Variants in TDRD3 observed in about 807,000 individuals in gnomAD.
TDRD3 encodes tudor domain-containing protein 3.
A neutral mutation model predicts 86.7 loss-of-function variants in TDRD3; 45 were observed. That is an observed-to-expected ratio of 0.52 (90% CI 0.41 to 0.67). TDRD3 has a LOEUF of 0.67. Ranked by LOEUF, TDRD3 falls within the 30% of genes least tolerant of loss-of-function variation. The pLI is 0.00. For missense variants in TDRD3, 814 were observed against 889.0 expected, an observed-to-expected ratio of 0.92 and a Z score of 1.07; for synonymous variants, 298 against 301.7, an observed-to-expected ratio of 0.99 and a Z score of 0.13.
chr13:60,456,944 C>T (rs1377089941), intron 3 of TDRD3, among the ~76,000 whole-genome samples: 1 of 152,128 alleles, frequency 6.6e-6, no homozygotes, highest in Non-Finnish European at 1.5e-5. Flanking sequence ...GAGCCACCCA[C>T]CTCCATCCTC....
chr13:60,535,331 C>T (rs534603845), intron 12 of TDRD3, 98 bp downstream of exon 12: 1 of 1,357,352 alleles, frequency 7.4e-7, no homozygotes, highest in South Asian at 1.8e-5. Flanking sequence ...CAAGTGGAAT[C>T]ATATTTTGAA....
chr13:60,496,330 T>G (rs1595022134), intron 8 of TDRD3, among the ~76,000 whole-genome samples: 1 of 100,086 alleles, frequency 1.0e-5, no homozygotes, highest in East Asian at 3.0e-4. Context: ...TATATATATA[T>G]ATATATATAT....
intron 3 of TDRD3, among the ~76,000 whole-genome samples, chr13:60,448,114 TTA>T (rs1955450199): frequency 6.6e-6 from 1 of 152,142 alleles, no homozygotes; most frequent in Non-Finnish European, 1.5e-5. Flanking sequence ...ATTATTATTT[TTA>T]TAGTTAATAA....
intron 12 of TDRD3, among the ~76,000 whole-genome samples, chr13:60,541,559 G>A (rs1233422205): frequency 6.6e-6 from 1 of 151,478 alleles, no homozygotes; most frequent in African/African-American, 2.4e-5. Context: ...TTTATTAATG[G>A]TAACCTAAAG....
chr13:60,456,934 G>A (rs981981673), intron 3 of TDRD3, among the ~76,000 whole-genome samples: 1 of 151,996 alleles, frequency 6.6e-6, no homozygotes, highest in Non-Finnish European at 1.5e-5. Context: ...GGGTTCAAGC[G>A]AGCCACCCAC....
At chr13:60,544,076 C>T (rs1250888798) in intron 12 of TDRD3, among the ~76,000 whole-genome samples, 1 of 150,456 alleles carries the variant, frequency 6.6e-6, no homozygotes, top group Non-Finnish European at 1.5e-5. Flanking sequence ...TCCACAATAA[C>T]CTAGTCTAAG....
intron 1 of TDRD3, among the ~76,000 whole-genome samples, chr13:60,420,543 A>C (rs2137867596): frequency 6.6e-6 from 1 of 152,292 alleles, no homozygotes; most frequent in East Asian, 1.9e-4. Flanking sequence ...TGGAGTGGGA[A>C]AGAAGCATGG....
chr13:60,556,695 A>G (rs1045517211), intron 12 of TDRD3, among the ~76,000 whole-genome samples: 1 of 152,180 alleles, frequency 6.6e-6, no homozygotes, highest in African/African-American at 2.4e-5. Flanking sequence ...TTGTATTCCA[A>G]GTAAGCCATA....
chr13:60,423,544 G>A (rs1954717261), intron 1 of TDRD3, among the ~76,000 whole-genome samples: 1 of 152,034 alleles, frequency 6.6e-6, no homozygotes, highest in Non-Finnish European at 1.5e-5. Context: ...TATGTCATAA[G>A]GAAAACATTA....
chr13:60,432,786 C>G (rs1165292166), intron 1 of TDRD3, among the ~76,000 whole-genome samples: 1 of 152,090 alleles, frequency 6.6e-6, no homozygotes, highest in East Asian at 1.9e-4. Context: ...CCTCTCTTGT[C>G]CCACCTTAGC....
intron 9 of TDRD3, 101 bp downstream of exon 9, chr13:60,510,020 T>G: frequency 7.1e-7 from 1 of 1,405,562 alleles, no homozygotes; most frequent in South Asian, 1.4e-5. Flanking sequence ...TGTAATTTTG[T>G]TTAACATTAT....
At chr13:60,441,467 AAAGC>A (rs1228737048) in intron 2 of TDRD3, among the ~76,000 whole-genome samples, 1 of 152,170 alleles carries the variant, frequency 6.6e-6, no homozygotes. Context: ...ACTGCAGTCC[AAAGC>A]TATGATGCCA....
intron 8 of TDRD3, among the ~76,000 whole-genome samples, chr13:60,497,646 G>A (rs1956747157): frequency 6.6e-6 from 1 of 152,188 alleles, no homozygotes; most frequent in African/African-American, 2.4e-5. Context: ...TGCATGCACA[G>A]TCTTGCCAGG....
intron 12 of TDRD3, chr13:60,537,591 C>G (rs1957726094): frequency 6.6e-6 from 1 of 151,706 alleles, no homozygotes; most frequent in Non-Finnish European, 1.5e-5. Context: ...ACAAAATTAT[C>G]AAAAAACAAA....
At chr13:60,541,716 CTTTTTTT>C (rs71199007) in intron 12 of TDRD3, among the ~76,000 whole-genome samples, 276 of 40,956 alleles carry the variant, frequency 6.7e-3, no homozygotes, top group Non-Finnish European at 9.8e-3. Context: ...TCAGCATAGT[CTTTTTTT>C]TTTTTTTTTT....
chr13:60,499,844 T>A (rs1012244909), intron 8 of TDRD3, among the ~76,000 whole-genome samples: 2 of 152,140 alleles, frequency 1.3e-5, no homozygotes, highest in Admixed American at 6.5e-5. Context: ...CATTACTCAT[T>A]TGGATGTGTT....
chr13:60,573,407 A>T (rs1001583770), intron 13 of TDRD3, among the ~76,000 whole-genome samples: 1 of 152,212 alleles, frequency 6.6e-6, no homozygotes, highest in Non-Finnish European at 1.5e-5. Context: ...TAAAAAAAAA[A>T]TTTATTTTCA....
At position 60,573,760 on chromosome 13, in the gene TDRD3, A is replaced by T. The variant is rs1958640752; in HGVS notation, c.*154A>T. The T allele has an allele frequency of 1.6e-6, 1 of 622,686 alleles. No homozygotes were observed. The highest frequency in any genetic ancestry group is 6.3e-5 in the Admixed American group (1 of 15,820). The allele number at this position is 622,686 out of a possible 1,614,324, so 38.6% of individuals were successfully genotyped here. ...AAACAGATTTTAGGGTGGAAAAAAC[A>T]GTCAACTCACACAAAGAATGGAAAA... On this transcript the variant is annotated 3_prime_UTR_variant, in exon 14 of 14. Transcript: ENST00000377881.
At chr13:60,489,464 G>A (rs1956529965) in intron 7 of TDRD3, among the ~76,000 whole-genome samples, 1 of 152,100 alleles carries the variant, frequency 6.6e-6, no homozygotes, top group Non-Finnish European at 1.5e-5. Flanking sequence ...CTAGTAAAGG[G>A]GCCAGAAGCA....
Sources: allele counts gnomAD v4.1 joint callset (sites outside exome capture counted in the v4.1 genomes callset), GRCh38; gene constraint gnomAD v4.1.1; transcripts MANE v1.5; gene names NCBI Gene and HGNC (gene_info 2026-07-23, HGNC 2026-07-21).